PPP2R5A: variants seen among roughly 807,000 people sequenced by gnomAD.
PPP2R5A encodes protein phosphatase 2 regulatory subunit B'alpha, also known as serine/threonine-protein phosphatase 2A 56 kDa regulatory subunit alpha isoform.
PPP2R5A carries 25 observed loss-of-function variants against 64.2 expected under a neutral mutation model. That is an observed-to-expected ratio of 0.39 (90% confidence interval 0.28 to 0.54). The LOEUF (loss-of-function observed/expected upper bound fraction) is 0.54. Ranked by LOEUF, PPP2R5A falls within the 20% of genes least tolerant of loss-of-function variation. The probability of loss-of-function intolerance (pLI) is 0.67; values close to 1 mark genes in which losing one functional copy is unlikely to be tolerated. For missense variants in PPP2R5A, 425 were observed against 576.3 expected (o/e 0.74, Z 2.69); for synonymous variants, 198 against 201.2 (o/e 0.98, Z 0.13).
Position 212,286,133 on chromosome 1 carries a change from C to T in PPP2R5A, c.23C>T (p.Ala8Val). MSSSSPP[A>V]GAASAAISAS... ...GAGATGTCGTCGTCGTCGCCGCCGG[C>T]GGGGGCTGCCAGCGCCGCCATCTCG... Residue 8 changes from alanine to valine, a missense_variant, in exon 1 of 13, where the codon GCG becomes GTG. Physicochemically the swap from Ala to Val is moderately conservative, Grantham distance 64. Around this residue, in one of 4 missense-constraint regions of PPP2R5A, gnomAD observed 104 missense variants for 95.7 expected, o/e 1.09. Coordinates refer to ENST00000261461, the MANE Select transcript of PPP2R5A (RefSeq NM_006243.4). The T allele has an allele frequency of 6.3e-7, 1 of 1,583,096 alleles. No individual in the cohort carries two copies.
At chr1:212,355,875 G>T (rs897799353) in intron 8 of PPP2R5A, among the ~76,000 whole-genome samples, 4 of 151,896 alleles carry the variant, frequency 2.6e-5, no homozygotes, top group African/African-American at 9.7e-5. Context: ...AGACCAGCCT[G>T]GCCAAGATGG....
intron 1 of PPP2R5A, among the ~76,000 whole-genome samples, chr1:212,315,022 G>A (rs555930958): frequency 6.6e-6 from 1 of 152,146 alleles, no homozygotes; most frequent in Non-Finnish European, 1.5e-5. Context: ...ATTGTTTTAA[G>A]CCACAGAATT....
chr1:212,314,842 A>G (rs1000201381), intron 1 of PPP2R5A, among the ~76,000 whole-genome samples: 18 of 152,028 alleles, frequency 1.2e-4, no homozygotes, highest in African/African-American at 4.3e-4. Context: ...GATTACAGGC[A>G]TGAGCCACTG....
At chr1:212,305,035 A>G (rs959557912) in intron 1 of PPP2R5A, among the ~76,000 whole-genome samples, 1 of 107,948 alleles carries the variant, frequency 9.3e-6, no homozygotes, top group Non-Finnish European at 1.9e-5. Flanking sequence ...CCGGCCCCCA[A>G]TTTTTTTTTT....
At chr1:212,325,447 A>G (rs1659388928) in intron 1 of PPP2R5A, among the ~76,000 whole-genome samples, 1 of 152,210 alleles carries the variant, frequency 6.6e-6, no homozygotes, top group Non-Finnish European at 1.5e-5. Flanking sequence ...GGTTTCATTC[A>G]CATTGAGGAG....
At chr1:212,314,995 C>G (rs1167889095) in intron 1 of PPP2R5A, among the ~76,000 whole-genome samples, 2 of 152,208 alleles carry the variant, frequency 1.3e-5, no homozygotes, top group African/African-American at 4.8e-5. Context: ...GCATAAGCCA[C>G]CACGCCCAGC....
chr1:212,326,076 C>T (rs1659403163), intron 1 of PPP2R5A, among the ~76,000 whole-genome samples: 1 of 151,888 alleles, frequency 6.6e-6, no homozygotes, highest in Non-Finnish European at 1.5e-5. Flanking sequence ...TGACTAATGG[C>T]CATTTTGGGA....
chr1:212,308,624 G>T (rs182607890), intron 1 of PPP2R5A, among the ~76,000 whole-genome samples: 2 of 152,008 alleles, frequency 1.3e-5, no homozygotes, highest in African/African-American at 4.8e-5. Flanking sequence ...GGCTAGGCTG[G>T]TCTCAAACTC....
chr1:212,305,643 T>C (rs1334655299), intron 1 of PPP2R5A, among the ~76,000 whole-genome samples: 1 of 152,158 alleles, frequency 6.6e-6, no homozygotes. Flanking sequence ...AGTGGGGTGT[T>C]GAAGGCTTCA....
At chr1:212,333,673 A>AT in intron 3 of PPP2R5A, 75 bp downstream of exon 3, 1 of 789,684 alleles carries the variant, frequency 1.3e-6, no homozygotes, top group Non-Finnish European at 1.9e-6. Flanking sequence ...TCTCATTTAG[A>AT]TTCTGAGTGT....
intron 1 of PPP2R5A, among the ~76,000 whole-genome samples, chr1:212,318,610 C>A (rs867149288): frequency 1.3e-5 from 2 of 152,148 alleles, no homozygotes; most frequent in Non-Finnish European, 2.9e-5. Flanking sequence ...CTGAATTGCT[C>A]CTTGGTTAAT....
chr1:212,354,587 G>T (rs1280168118), intron 8 of PPP2R5A, among the ~76,000 whole-genome samples: 3 of 151,808 alleles, frequency 2.0e-5, no homozygotes, highest in Non-Finnish European at 4.4e-5. Context: ...GGGAGGCTGA[G>T]GCAGGAGGAT....
intron 1 of PPP2R5A, among the ~76,000 whole-genome samples, chr1:212,292,423 A>C (rs1310076526): frequency 2.0e-5 from 3 of 152,236 alleles, no homozygotes; most frequent in Non-Finnish European, 2.9e-5. Context: ...TATTTTGTGC[A>C]TAATGTGGTC....
chr1:212,329,038 G>C (rs1659454827), intron 1 of PPP2R5A, 97 bp from the exon 2 acceptor site: 2 of 940,696 alleles, frequency 2.1e-6, no homozygotes, highest in East Asian at 6.0e-5. Context: ...TTTGGAAGAA[G>C]TTTTACATAT....
chr1:212,310,047 G>GAT (rs1210715208), intron 1 of PPP2R5A, among the ~76,000 whole-genome samples: 1 of 152,158 alleles, frequency 6.6e-6, no homozygotes, highest in Non-Finnish European at 1.5e-5. Flanking sequence ...TGCAGCTTTG[G>GAT]ATATGCCCAG....
At chr1:212,299,564 C>G (rs1232727052) in intron 1 of PPP2R5A, 1 of 152,136 alleles carries the variant, frequency 6.6e-6, no homozygotes, top group African/African-American at 2.4e-5. Context: ...GTCAGGATAA[C>G]AGAGACTGGG....
intron 1 of PPP2R5A, among the ~76,000 whole-genome samples, chr1:212,320,823 A>C (rs1326380901): frequency 1.3e-5 from 1 of 79,834 alleles, no homozygotes. Flanking sequence ...TGACCCCCCC[A>C]CCTCCCTCCT....
chr1:212,352,701 T>C, intron 8 of PPP2R5A: 1 of 469,090 alleles, frequency 2.1e-6, no homozygotes, highest in Admixed American at 2.5e-5. Context: ...AAGCCTGCCT[T>C]GGCCTCCCAA....
Position 212,286,148 on chromosome 1 carries a change from C to T in PPP2R5A, c.38C>T (p.Ala13Val), listed in dbSNP as rs777724403. The change falls in exon 1 of 13, where the codon GCC (alanine) becomes GTC (valine). Residue 13 changes from alanine to valine, a missense_variant. Around this residue, in one of 4 missense-constraint regions of PPP2R5A, gnomAD observed 104 missense variants for 95.7 expected, o/e 1.09. Coordinates refer to ENST00000261461, the MANE Select transcript of PPP2R5A (RefSeq NM_006243.4). ...TCGCCGCCGGCGGGGGCTGCCAGCG[C>T]CGCCATCTCGGCCTCGGAGAAAGTG... ...SSSPPAGAAS[A>V]AISASEKVDG... 8.2e-6 allele frequency: 13 copies of T among 1,587,150 alleles called. No homozygotes were observed. The East Asian group carries it at 2.3e-4, about 28-fold the overall frequency.
Sources: allele counts gnomAD v4.1 joint callset (sites outside exome capture counted in the v4.1 genomes callset), GRCh38; gene constraint gnomAD v4.1.1; regional missense constraint gnomAD v4.1.1; transcripts MANE v1.5; gene names NCBI Gene and HGNC (gene_info 2026-07-23, HGNC 2026-07-21).